The following STXBP4 variants were observed in gnomAD, a reference collection of about 807,000 sequenced individuals.
STXBP4 encodes syntaxin-binding protein 4.
Under a neutral mutation model 76.1 loss-of-function variants are expected in STXBP4, and 55 were observed. The observed-to-expected ratio is 0.72, with a 90% CI of 0.58 to 0.91. The LOEUF (loss-of-function observed/expected upper bound fraction) is 0.91, where lower values mean the gene tolerates loss of function less well. Among genes scored for constraint, STXBP4 ranks in the 40% least tolerant of loss-of-function variants. The pLI is 0.00. For synonymous variants in STXBP4, 201 were observed against 220.2 expected (o/e 0.91, Z 0.77); for missense variants, 618 against 636.9 (o/e 0.97, Z 0.32).
At chr17:55,096,994 A>G (rs188211639) in intron 16 of STXBP4, among the ~76,000 whole-genome samples, 140 of 152,330 alleles carry the variant, frequency 9.2e-4, no homozygotes, top group Non-Finnish European at 3.7e-4. Context: ...TAAATAAATA[A>G]TAAATCTTTG....
chr17:55,075,553 G>T (rs1598289183), intron 13 of STXBP4, among the ~76,000 whole-genome samples: 1 of 152,158 alleles, frequency 6.6e-6, no homozygotes, highest in East Asian at 1.9e-4. Flanking sequence ...GAATTGCTAA[G>T]TTGAATAATT....
In STXBP4 at chr17:55,166,825, C is replaced by T. The variant is rs1486371467; in HGVS notation, c.*6914C>T. 1 of 152,164 alleles carries T rather than the reference C, an allele frequency of 6.6e-6. No homozygotes were observed. The highest frequency in any genetic ancestry group is 1.5e-5 in the Non-Finnish European group (1 of 68,036). The allele number at this position is 152,164 out of a possible 1,614,324, so 9.4% of individuals were successfully genotyped here. ...TACTAATTTACTTTTATCTACTGAGCTGGGTTACTGAGTCTTAGAGGCTTG... is the reference window on the plus strand; with the variant it reads ...TACTAATTTACTTTTATCTACTGAGTTGGGTTACTGAGTCTTAGAGGCTTG... On this transcript the variant is annotated 3_prime_UTR_variant, in exon 18 of 18. Transcript: ENST00000376352.
intron 1 of STXBP4, among the ~76,000 whole-genome samples, chr17:54,978,946 A>G (rs2077510411): frequency 6.6e-6 from 1 of 152,118 alleles, no homozygotes; most frequent in Non-Finnish European, 1.5e-5. Flanking sequence ...GTTTTACATG[A>G]TTATACTGTA....
intron 8 of STXBP4, among the ~76,000 whole-genome samples, chr17:55,012,556 C>T (rs930046176): frequency 6.6e-5 from 10 of 152,098 alleles, no homozygotes; most frequent in African/African-American, 2.4e-4. Context: ...GGTGTTCCCT[C>T]GGAAGTTAGG....
chr17:55,140,511 A>G (rs1214056310), intron 16 of STXBP4, among the ~76,000 whole-genome samples: 1 of 152,090 alleles, frequency 6.6e-6, no homozygotes, highest in Non-Finnish European at 1.5e-5. Context: ...GATGGAACAG[A>G]GGGGTGGAAA....
chr17:55,025,263 C>CT (rs2078391544), intron 8 of STXBP4, among the ~76,000 whole-genome samples: 1 of 151,804 alleles, frequency 6.6e-6, no homozygotes, highest in South Asian at 2.1e-4. Flanking sequence ...ATTAGGTAAA[C>CT]TAGATTAAAT....
intron 16 of STXBP4, among the ~76,000 whole-genome samples, chr17:55,084,200 G>T (rs1426111482): frequency 6.6e-6 from 1 of 152,098 alleles, no homozygotes; most frequent in Non-Finnish European, 1.5e-5. Context: ...GTATCTCATT[G>T]TGGTTTTGCT....
chr17:55,090,085 A>G (rs576118171), intron 16 of STXBP4, among the ~76,000 whole-genome samples: 3 of 152,264 alleles, frequency 2.0e-5, no homozygotes, highest in African/African-American at 7.2e-5. Flanking sequence ...CCCTGGCAGG[A>G]GGACACTCTT....
the STXBP4 span, among the ~76,000 whole-genome samples, chr17:55,200,196 C>G: frequency 1.3e-5 from 2 of 152,192 alleles, no homozygotes; most frequent in Admixed American, 1.3e-4. Context: ...AGTATTTCCA[C>G]TGCTTAGCAC....
At chr17:55,085,453 C>T (rs1261685805) in intron 16 of STXBP4, among the ~76,000 whole-genome samples, 1 of 151,958 alleles carries the variant, frequency 6.6e-6, no homozygotes, top group African/African-American at 2.4e-5. Context: ...TAATATATGG[C>T]ATATTAGTAG....
intron 16 of STXBP4, among the ~76,000 whole-genome samples, chr17:55,113,271 T>A (rs554876751): frequency 6.7e-6 from 1 of 150,160 alleles, no homozygotes; most frequent in Non-Finnish European, 1.5e-5. Flanking sequence ...ACGAGGTAGC[T>A]ATAGAAGGTG....
intron 10 of STXBP4, among the ~76,000 whole-genome samples, chr17:55,037,534 G>A (rs1301685031): frequency 1.3e-5 from 2 of 152,074 alleles, no homozygotes; most frequent in Non-Finnish European, 2.9e-5. Context: ...GACAGCAAAA[G>A]CAAAGCGCTA....
At chr17:55,179,553 A>G in the STXBP4 span, among the ~76,000 whole-genome samples, 1 of 152,292 alleles carries the variant, frequency 6.6e-6, no homozygotes, top group East Asian at 1.9e-4. Context: ...TTTGAACTGC[A>G]TGGGTCCACA....
Position 55,043,344 on chromosome 17 carries a change from T to C in STXBP4, c.945+19T>C. ...ACTTAAGGTAACCTCTAATTTAGTTTCCTTATGTTTTCTTCAGAAAAAAAA... is the reference window on the plus strand; with the variant it reads ...ACTTAAGGTAACCTCTAATTTAGTTCCCTTATGTTTTCTTCAGAAAAAAAA... On this transcript the variant is annotated intron_variant, in intron 11 of 17. Transcript: ENST00000376352. 1 of 1,350,544 alleles carries C rather than the reference T, an allele frequency of 7.4e-7. No homozygotes were observed. The highest frequency in any genetic ancestry group is 9.9e-7 in the Non-Finnish European group (1 of 1,005,240). The allele number at this position is 1,350,544 out of a possible 1,614,324, so 83.7% of individuals were successfully genotyped here.
At chr17:55,010,802 G>T (rs968856283) in intron 8 of STXBP4, among the ~76,000 whole-genome samples, 11 of 152,106 alleles carry the variant, frequency 7.2e-5, no homozygotes, top group African/African-American at 2.2e-4. Flanking sequence ...AGGCTGAAAG[G>T]TGTGTGACTA....
Position 55,010,674 on chromosome 17 carries a change from T to C in STXBP4, c.666+3077T>C, listed in dbSNP as rs558864322. ...TATGGAAGATGCTTTGGGATATGGA[T>C]GCCATTTCGCTGATATTTACTTTTA... On this transcript the variant is annotated intron_variant, in intron 8 of 17. Coordinates refer to ENST00000376352, the MANE Select transcript of STXBP4 (RefSeq NM_178509.6). 2.9e-4 allele frequency among the ~76,000 whole-genome samples: 44 copies of C among 152,260 alleles called. 1 individual carries two copies. Among genetic ancestry groups the C allele is most frequent in the Middle Eastern group, 6.8e-3 (2 of 294 alleles).
intron 3 of STXBP4, among the ~76,000 whole-genome samples, chr17:54,989,762 A>G (rs2077686173): frequency 6.6e-6 from 1 of 152,230 alleles, no homozygotes; most frequent in Non-Finnish European, 1.5e-5. Context: ...AGGTATTCAG[A>G]AATGCAACTT....
chr17:55,039,181 A>G (rs1176626922), intron 10 of STXBP4, among the ~76,000 whole-genome samples: 1 of 152,210 alleles, frequency 6.6e-6, no homozygotes, highest in Non-Finnish European at 1.5e-5. Flanking sequence ...AGGCCATAAG[A>G]GTAATAAAGC....
chr17:55,046,676 A>G (rs2078794053), intron 11 of STXBP4, among the ~76,000 whole-genome samples: 1 of 151,934 alleles, frequency 6.6e-6, no homozygotes, highest in Non-Finnish European at 1.5e-5. Flanking sequence ...AAATTAAATT[A>G]GGAAATTAAG....
Sources: allele counts gnomAD v4.1 joint callset (sites outside exome capture counted in the v4.1 genomes callset), GRCh38; gene constraint gnomAD v4.1.1; transcripts MANE v1.5; gene names NCBI Gene and HGNC (gene_info 2026-07-23, HGNC 2026-07-21).